The following DDX11 variants were observed in gnomAD, a reference collection of about 807,000 sequenced individuals.
The protein encoded by DDX11 is ATP-dependent DNA helicase DDX11.
In DDX11, 72 loss-of-function variants were observed where a neutral mutation model predicts 125.2. The observed-to-expected ratio is 0.58, with a 90% CI of 0.48 to 0.70. The LOEUF (loss-of-function observed/expected upper bound fraction) is 0.70, where lower values mean the gene tolerates loss of function less well. DDX11 is among the 30% of genes least tolerant of loss of function. The pLI is 0.00. For synonymous variants in DDX11, 347 were observed against 452.6 expected (o/e 0.77, Z 2.96); for missense variants, 883 against 1,165.0 (o/e 0.76, Z 3.52).
Position 31,103,975 on chromosome 12 carries a change from G to A in DDX11, c.*139G>A. ...AGGAGAGTGTGGAGTCCAGAGTGCT[G>A]CCAGGACCCAGGCACAGGCGTTAGC... On this transcript the variant is annotated 3_prime_UTR_variant, in exon 27 of 27. Coordinates refer to ENST00000542838, the MANE Select transcript of DDX11 (RefSeq NM_030653.4). 1 of 1,578,098 alleles carries A rather than the reference G, an allele frequency of 6.3e-7. No individual in the cohort carries two copies. Among genetic ancestry groups the A allele is most frequent in the South Asian group, 1.1e-5 (1 of 87,194 alleles).
intron 14 of DDX11, among the ~76,000 whole-genome samples, chr12:31,095,942 C>T (rs564303315): frequency 1.2e-4 from 19 of 152,206 alleles, no homozygotes; most frequent in Admixed American, 3.3e-4. Flanking sequence ...TTGGATGCAC[C>T]GACTGAGTGG....
intron 11 of DDX11, 87 bp downstream of exon 11, chr12:31,092,979 C>T (rs1944502378): frequency 1.3e-6 from 2 of 1,524,714 alleles, no homozygotes; most frequent in South Asian, 2.2e-5. Flanking sequence ...CTTTGGTTCC[C>T]ACCTCTGGCC....
rs1427463042 is a variant in DDX11, at chr12:31,104,604, C to G, written c.*768C>G. 6.5e-6 allele frequency: 1 copy of G among 154,852 alleles called. No individual in the cohort carries two copies. The highest frequency in any genetic ancestry group is 6.3e-5 in the Admixed American group (1 of 15,878). 9.6% of individuals were successfully genotyped at this position (154,852 alleles called of 1,614,324 possible). A position where few individuals can be genotyped will look rare whatever the true frequency, so the allele number is the denominator to read the frequency against. ...TTGTTCCTGTGGGAAAATATCCCTCCCACCTGCAACAGCTGCCCCTGCTGA... is the reference window on the plus strand; with the variant it reads ...TTGTTCCTGTGGGAAAATATCCCTCGCACCTGCAACAGCTGCCCCTGCTGA... On this transcript the variant is annotated 3_prime_UTR_variant, in exon 27 of 27. Coordinates refer to ENST00000542838, the MANE Select transcript of DDX11 (RefSeq NM_030653.4).
chr12:31,080,565 G>A (rs1189327526), intron 2 of DDX11, among the ~76,000 whole-genome samples: 1 of 150,320 alleles, frequency 6.7e-6, no homozygotes, highest in Non-Finnish European at 1.5e-5. Flanking sequence ...ATGAGTGGGG[G>A]AGATCTCTGG....
intron 2 of DDX11, among the ~76,000 whole-genome samples, chr12:31,080,679 G>GT (rs946098398): frequency 3.3e-5 from 5 of 152,102 alleles, no homozygotes; most frequent in African/African-American, 1.2e-4. Flanking sequence ...TTTTGTGGGT[G>GT]TAAGCCTCCA....
intron 2 of DDX11, 83 bp downstream of exon 2, chr12:31,078,620 T>C: frequency 1.2e-6 from 2 of 1,607,902 alleles, no homozygotes; most frequent in Non-Finnish European, 1.7e-6. Context: ...ATCCAGAGAT[T>C]TTCATAGTTT....
rs3881298 is a variant in DDX11 at position 31,089,465 on chromosome 12, T to C, written c.855T>C (p.Cys285=). Reference sequence around the variant, plus strand: ...CTGTGCAGCTTATCAACGACCGCTGTGTGGACATGCAGAGAAGCAGGCACG... The same window carrying C: ...CTGTGCAGCTTATCAACGACCGCTGCGTGGACATGCAGAGAAGCAGGCACG... ...LGSVQLINDR[C]VDMQRSRHEK... The change falls in exon 8 of 27, where the codon TGT becomes TGC. Residue 285 remains cysteine (C), a synonymous_variant. Transcript: ENST00000542838. The C allele has an allele frequency of 0.48, 774,294 of 1,608,110 alleles. 193,458 individuals carry two copies. Among genetic ancestry groups the C allele is most frequent in the East Asian group, 0.8 (35,936 of 44,834 alleles).
At chr12:31,075,639 AC>A (rs1215576167) in intron 1 of DDX11, among the ~76,000 whole-genome samples, 1 of 152,144 alleles carries the variant, frequency 6.6e-6, no homozygotes, top group Admixed American at 6.5e-5. Context: ...GACCTCCGTT[AC>A]CCAGCCTCGG....
At chr12:31,091,422 G>A (rs1565887299) in intron 9 of DDX11, 3 of 352,986 alleles carry the variant, frequency 8.5e-6, no homozygotes, top group African/African-American at 2.1e-5. Context: ...GTGGAAACTC[G>A]GGGGCCTCCG....
chr12:31,095,423 T>G (rs1413351560), intron 14 of DDX11, among the ~76,000 whole-genome samples: 1 of 152,160 alleles, frequency 6.6e-6, no homozygotes, highest in Non-Finnish European at 1.5e-5. Context: ...TTCAGGAGGG[T>G]GGCGAGCACA....
chr12:31,102,340 G>A, intron 22 of DDX11, 29 bp downstream of exon 22: 2 of 1,612,492 alleles, frequency 1.2e-6, no homozygotes, highest in Middle Eastern at 1.6e-4. Context: ...GCTTGGGTCT[G>A]AGATCGTGTG....
rs539137893 is a variant in DDX11, at chr12:31,090,058, C to G, written c.1053C>G (p.Pro351=). 3.5e-5 allele frequency: 55 copies of G among 1,550,454 alleles called. No homozygotes were observed. The South Asian group carries it at 5.5e-4, about 15-fold the overall frequency. ...TTGGGAAGGAGGCCCGGGCCTGTCCCTATTACGGGAGCCGCCTTGCCATCC... is the reference window on the plus strand; with the variant it reads ...TTGGGAAGGAGGCCCGGGCCTGTCCGTATTACGGGAGCCGCCTTGCCATCC... ...LALGKEARAC[P]YYGSRLAIPA... is the part of the protein sequence containing the mutation. The change falls in exon 9 of 27, where the codon CCC becomes CCG. Residue 351 remains proline, a synonymous_variant. Transcript: ENST00000542838.
chr12:31,099,084 C>CTTTTTTTTTTTTTTTTTTTTTTTTT (rs763612105), intron 18 of DDX11, among the ~76,000 whole-genome samples: 14 of 63,722 alleles, frequency 2.2e-4, no homozygotes, highest in East Asian at 6.4e-4. Flanking sequence ...TTCTTTCTTT[C>CTTTTTTTTTTTTTTTTTTTTTTTTT]TTTTTTTTTT....
intron 14 of DDX11, among the ~76,000 whole-genome samples, 157 bp downstream of exon 14, chr12:31,094,979 C>G (rs1944963310): frequency 6.6e-6 from 1 of 152,188 alleles, no homozygotes; most frequent in Non-Finnish European, 1.5e-5. Context: ...CAAAAGTCAT[C>G]TTCTTTTAGA....
Position 31,096,581 on chromosome 12 carries a change from C to T in DDX11, c.1522-56C>T, listed in dbSNP as rs1452185475. 1.6e-5 allele frequency: 26 copies of T among 1,600,382 alleles called. No individual in the cohort carries two copies. In the Admixed American group the frequency reaches 4.5e-4, roughly 28 times the overall value. The stretch of plus-strand genomic sequence containing the variant: ...TGGCAGAGCCTCCGATCCACCCAGC[C>T]TCTCTCTCATGGCTGTACCTCGTTC... On this transcript the variant is annotated intron_variant, in intron 15 of 26. Transcript: ENST00000542838.
chr12:31,088,959 T>C (rs1943656902), intron 6 of DDX11, 85 bp from the exon 7 acceptor site: 1 of 1,103,188 alleles, frequency 9.1e-7, no homozygotes, highest in African/African-American at 1.6e-5. Flanking sequence ...CCTCAGCCTC[T>C]CAGGCCCTGG....
At chr12:31,087,270 CA>C (rs1431351847) in intron 5 of DDX11, among the ~76,000 whole-genome samples, 3 of 150,026 alleles carry the variant, frequency 2.0e-5, no homozygotes, top group Non-Finnish European at 3.0e-5. Context: ...TAGCTTCATC[CA>C]GGAGATGGTC....
chr12:31,096,076 C>G lies in DDX11; in HGVS notation c.1483-265C>G, dbSNP rs373657444. ...GAAAGCCAAGGGGAACTGGATTTTA[C>G]TGAGCACTCTTAGACTTGAGAGAGA... On this transcript the variant is annotated intron_variant, in intron 14 of 26. Coordinates refer to ENST00000542838, the MANE Select transcript of DDX11 (RefSeq NM_030653.4). Among the ~76,000 whole-genome samples the G allele has an allele frequency of 4.6e-4, 70 of 152,124 alleles. 2 individuals carry two copies. In the South Asian group the frequency reaches 0.014, roughly 29 times the overall value.
rs1354957640 is a variant in DDX11, at chr12:31,085,098, A to G, written c.610A>G (p.Ser204Gly). 1 of 1,578,060 alleles carries G rather than the reference A, an allele frequency of 6.3e-7. No individual in the cohort carries two copies. The highest frequency in any genetic ancestry group is 1.8e-5 in the Admixed American group (1 of 54,560). Residue 204 changes from serine to glycine, a missense_variant, in exon 5 of 27, where the codon AGT becomes GGT. Ser to Gly is a moderately conservative substitution (Grantham distance 56). Transcript: ENST00000542838. ...GGAGCTGGTCCTCGCCGAATACGAG[A>G]GTGATGAGGAGAAAAAGGTGGCGAG... The part of the protein sequence containing the change: ...EEELVLAEYE[S>G]DEEKKVASRV...
Sources: allele counts gnomAD v4.1 joint callset (sites outside exome capture counted in the v4.1 genomes callset), GRCh38; gene constraint gnomAD v4.1.1; transcripts MANE v1.5; gene names NCBI Gene and HGNC (gene_info 2026-07-23, HGNC 2026-07-21).